Variants in PRKG1 observed in about 807,000 individuals in gnomAD.
The protein encoded by PRKG1 is protein kinase cGMP-dependent 1.
In PRKG1, 35 loss-of-function variants were observed where a neutral mutation model predicts 88.1. The ratio of observed to expected loss-of-function variants is 0.40; its 90% confidence interval spans 0.30 to 0.53. The LOEUF (loss-of-function observed/expected upper bound fraction) is 0.53. PRKG1 is among the 20% of genes least tolerant of loss of function. PRKG1 has a pLI of 0.59. For synonymous variants in PRKG1, 303 were observed against 292.5 expected (o/e 1.04, Z -0.37); for missense variants, 540 against 839.8 (o/e 0.64, Z 4.41).
At chr10:51,473,194 C>G (rs1189812494) in intron 3 of PRKG1, among the ~76,000 whole-genome samples, 1 of 151,756 alleles carries the variant, frequency 6.6e-6, no homozygotes, top group African/African-American at 2.4e-5. Flanking sequence ...TATGTAATCC[C>G]TGAGAAATAA....
chr10:51,249,600 C>G (rs1273018257), intron 2 of PRKG1, among the ~76,000 whole-genome samples: 1 of 151,476 alleles, frequency 6.6e-6, no homozygotes. Context: ...ATTTGCAAAA[C>G]AATTCAACTT....
At chr10:51,149,854 C>T (rs1375796572) in intron 1 of PRKG1, among the ~76,000 whole-genome samples, 2 of 152,004 alleles carry the variant, frequency 1.3e-5, no homozygotes, top group African/African-American at 4.8e-5. Flanking sequence ...ACGCTACACA[C>T]CATGGCTTCC....
Position 51,031,640 on chromosome 10 carries a change from G to A in PRKG1, c.266+39996G>A, listed in dbSNP as rs1023612473. On this transcript the variant is annotated intron_variant, in intron 1 of 17. Transcript: ENST00000401604. Reference sequence around the variant, plus strand: ...CTTGTTTTTATCATATCAGCCCTATGAAGTAAATACTGTGACACAATTTTA... The same window carrying A: ...CTTGTTTTTATCATATCAGCCCTATAAAGTAAATACTGTGACACAATTTTA... Among the ~76,000 whole-genome samples, 37 of 152,108 alleles carry A rather than the reference G, an allele frequency of 2.4e-4. 1 individual carries two copies. The highest frequency in any genetic ancestry group is 2.4e-3 in the Admixed American group (37 of 15,256).
At chr10:51,950,745 G>A (rs1000226457) in intron 5 of PRKG1, among the ~76,000 whole-genome samples, 25 of 152,396 alleles carry the variant, frequency 1.6e-4, no homozygotes, top group Non-Finnish European at 3.5e-4. Flanking sequence ...ATGGCATGGA[G>A]CAGCTGCCCT....
chr10:52,126,991 T>C (rs758954576), intron 7 of PRKG1, among the ~76,000 whole-genome samples: 1 of 152,074 alleles, frequency 6.6e-6, no homozygotes, highest in South Asian at 2.1e-4. Flanking sequence ...TGAAAATGTA[T>C]GGCAGAGTGA....
At chr10:51,642,485 A>T (rs1313090358) in intron 3 of PRKG1, among the ~76,000 whole-genome samples, 1 of 152,178 alleles carries the variant, frequency 6.6e-6, no homozygotes, top group Admixed American at 6.5e-5. Flanking sequence ...GCTATTCAAG[A>T]CATCAGCTTT....
chr10:51,845,763 T>G (rs1230526038), intron 4 of PRKG1, among the ~76,000 whole-genome samples: 1 of 152,154 alleles, frequency 6.6e-6, no homozygotes, highest in Non-Finnish European at 1.5e-5. Context: ...AACTAGCTTT[T>G]TTTGGCAAAG....
At chr10:51,729,896 C>T (rs1197580424) in intron 3 of PRKG1, among the ~76,000 whole-genome samples, 2 of 145,442 alleles carry the variant, frequency 1.4e-5, no homozygotes, top group African/African-American at 2.8e-5. Flanking sequence ...GCAAAATTAG[C>T]AGATGATCCA....
At chr10:51,251,321 C>T (rs1042045432) in intron 2 of PRKG1, among the ~76,000 whole-genome samples, 3 of 151,806 alleles carry the variant, frequency 2.0e-5, no homozygotes, top group East Asian at 1.9e-4. Flanking sequence ...TCTTTCTCTA[C>T]AAGGTGTCAG....
intron 2 of PRKG1, among the ~76,000 whole-genome samples, chr10:51,304,537 G>A (rs1041746461): frequency 1.1e-4 from 17 of 151,222 alleles, no homozygotes; most frequent in African/African-American, 2.4e-5. Flanking sequence ...CAATGTGCAG[G>A]TTAGTTACAT....
At chr10:51,877,533 C>T (rs549437692) in intron 4 of PRKG1, among the ~76,000 whole-genome samples, 2 of 152,240 alleles carry the variant, frequency 1.3e-5, no homozygotes, top group East Asian at 3.9e-4. Context: ...GTTTAGTTTT[C>T]AAAAGCTCAT....
At chr10:51,786,905 T>C (rs1379213725) in intron 3 of PRKG1, among the ~76,000 whole-genome samples, 1 of 152,198 alleles carries the variant, frequency 6.6e-6, no homozygotes, top group East Asian at 1.9e-4. Flanking sequence ...TCTAGAAATA[T>C]GTCCATCCTT....
At chr10:51,266,004 A>G (rs544213499) in intron 2 of PRKG1, among the ~76,000 whole-genome samples, 1 of 152,158 alleles carries the variant, frequency 6.6e-6, no homozygotes, top group African/African-American at 2.4e-5. Flanking sequence ...AGTTTTTGGG[A>G]CCCCTAACTA....
At chr10:52,077,326 A>T (rs1007030055) in intron 7 of PRKG1, among the ~76,000 whole-genome samples, 2 of 152,100 alleles carry the variant, frequency 1.3e-5, no homozygotes, top group Admixed American at 6.6e-5. Context: ...AAGCCAGATT[A>T]AAAAAAGTAC....
intron 1 of PRKG1, among the ~76,000 whole-genome samples, chr10:51,123,956 G>A (rs964659363): frequency 6.6e-6 from 1 of 152,060 alleles, no homozygotes. Context: ...TCGCTATTGT[G>A]AGGACAGCAC....
chr10:51,640,660 G>A (rs1839776680), intron 3 of PRKG1, among the ~76,000 whole-genome samples: 1 of 152,102 alleles, frequency 6.6e-6, no homozygotes, highest in Admixed American at 6.5e-5. Flanking sequence ...GGGTGTCTCT[G>A]GAGATTTAAG....
At chr10:52,189,094 A>G (rs7067880) in intron 9 of PRKG1, among the ~76,000 whole-genome samples, 33,176 of 152,074 alleles carry the variant, frequency 0.22, 5,238 homozygotes, top group African/African-American at 0.44. Flanking sequence ...TCAGTCTAAG[A>G]GTTTTTGTCA....
At chr10:52,242,623 A>G (rs889879919) in intron 9 of PRKG1, among the ~76,000 whole-genome samples, 3 of 152,158 alleles carry the variant, frequency 2.0e-5, no homozygotes, top group African/African-American at 7.2e-5. Context: ...TTGGCCAGGC[A>G]CGGTGCCTCA....
rs1264011066 is a variant in PRKG1, at chr10:52,128,025, A to C, written c.936-5815A>C. The C allele has an allele frequency of 3.1e-6, 3 of 982,414 alleles. No homozygotes were observed. In the African/African-American group the frequency reaches 5.2e-5, roughly 17 times the overall value. 60.9% of individuals were successfully genotyped at this position (982,414 alleles called of 1,614,324 possible). Reference sequence around the variant, plus strand: ...TTTTTGTGGTTCTTTGATGCTTGTCATTTCCTATCAATTTTGATTATCCTA... The same window carrying C: ...TTTTTGTGGTTCTTTGATGCTTGTCCTTTCCTATCAATTTTGATTATCCTA... On this transcript the variant is annotated intron_variant, in intron 7 of 17. Transcript: ENST00000373980.
Sources: allele counts gnomAD v4.1 joint callset (sites outside exome capture counted in the v4.1 genomes callset), GRCh38; gene constraint gnomAD v4.1.1; transcripts MANE v1.5; gene names NCBI Gene and HGNC (gene_info 2026-07-23, HGNC 2026-07-21).